Variants in DNAAF11 observed in about 807,000 individuals in gnomAD.
DNAAF11 encodes leucine rich repeat containing 6.
DNAAF11 carries 45 observed loss-of-function variants against 60.8 expected under a neutral mutation model. That is an observed-to-expected ratio of 0.74 (90% confidence interval 0.58 to 0.95). The LOEUF (loss-of-function observed/expected upper bound fraction) is 0.95. Among genes scored for constraint, DNAAF11 ranks in the 40% least tolerant of loss-of-function variants. DNAAF11 has a pLI of 0.00. For synonymous variants in DNAAF11, 191 were observed against 183.5 expected (o/e 1.04, Z -0.33); for missense variants, 546 against 546.2 (o/e 1.00, Z 0.00).
At chr8:132,682,640 C>T in the DNAAF11 span, among the ~76,000 whole-genome samples, 2 of 152,192 alleles carry the variant, frequency 1.3e-5, no homozygotes, top group African/African-American at 4.8e-5. Flanking sequence ...CATTACTCTT[C>T]CAGTAGAAGG....
intron 7 of DNAAF11, among the ~76,000 whole-genome samples, chr8:132,616,498 C>A (rs1004887535): frequency 6.6e-6 from 1 of 151,940 alleles, no homozygotes; most frequent in African/African-American, 2.4e-5. Context: ...GTTCATAGGA[C>A]GCACTGATAA....
Position 132,572,413 on chromosome 8 carries a change from C to T in DNAAF11, c.1294G>A (p.Val432Ile), listed in dbSNP as rs770349365. 2.5e-6 allele frequency: 4 copies of T among 1,613,586 alleles called. No homozygotes were observed. The African/African-American group carries it at 4.0e-5, about 16-fold the overall frequency. ...CTGGGTGTGTGTTTTTTCTCTTGAA[C>T]TATGTTAGTCACATCAGGGAATGAG... ...KHSFPDVTNIVQEKKHTPRRR... is the reference protein window; with the variant it reads ...KHSFPDVTNIIQEKKHTPRRR... The change falls in exon 12 of 12, where the codon GTT (valine) becomes ATT (isoleucine). Residue 432 changes from valine (V) to isoleucine (I), a missense_variant. Val to Ile is a conservative substitution (Grantham distance 29). Transcript: ENST00000620350.
At chr8:132,602,272 A>G (rs1027124609) in intron 10 of DNAAF11, among the ~76,000 whole-genome samples, 3 of 152,132 alleles carry the variant, frequency 2.0e-5, no homozygotes, top group Non-Finnish European at 4.4e-5. Flanking sequence ...CATAATCAGC[A>G]TCAACATCAA....
In DNAAF11 at chr8:132,638,024, G is replaced by T; in HGVS notation, c.340C>A (p.His114Asn). The T allele has an allele frequency of 6.2e-7, 1 of 1,614,026 alleles. No homozygotes were observed. Among genetic ancestry groups the T allele is most frequent in the South Asian group, 1.1e-5 (1 of 91,064 alleles). The stretch of plus-strand genomic sequence containing the variant: ...CCCATGAGAAAGAGCTCCTTCAGAT[G>T]GATATTGTGCTGCAAGTTTTTAATG... The part of the protein sequence containing the change: ...SSIKNLQHNI[H>N]LKELFLMGNP... Residue 114 changes from histidine to asparagine, a missense_variant, in exon 4 of 12, where the codon CAT (histidine) becomes AAT (asparagine). Physicochemically the swap from His to Asn is moderately conservative, Grantham distance 68. Transcript: ENST00000620350.
At chr8:132,680,884 A>G in the DNAAF11 span, among the ~76,000 whole-genome samples, 1 of 151,060 alleles carries the variant, frequency 6.6e-6, no homozygotes, top group African/African-American at 2.4e-5. Context: ...TTAGAAGAGT[A>G]TTTGACATGT....
chr8:132,601,463 C>T (rs972443499), intron 10 of DNAAF11, among the ~76,000 whole-genome samples: 23 of 152,312 alleles, frequency 1.5e-4, no homozygotes, highest in African/African-American at 5.3e-4. Context: ...GCTACAAAGA[C>T]ACATGCACAC....
At chr8:132,634,952 T>C (rs1307015758) in intron 4 of DNAAF11, among the ~76,000 whole-genome samples, 1 of 152,044 alleles carries the variant, frequency 6.6e-6, no homozygotes, top group Non-Finnish European at 1.5e-5. Flanking sequence ...GATTGATTGA[T>C]TGATTGATTT....
At chr8:132,629,488 C>T (rs1820599380) in intron 5 of DNAAF11, among the ~76,000 whole-genome samples, 1 of 152,054 alleles carries the variant, frequency 6.6e-6, no homozygotes, top group African/African-American at 2.4e-5. Flanking sequence ...GCTGGGACTA[C>T]AGGCGCCTGC....
At chr8:132,675,840 G>A (rs1563730049), upstream of DNAAF11, among the ~76,000 whole-genome samples, 1 of 152,170 alleles carries the variant, frequency 6.6e-6, no homozygotes, top group Non-Finnish European at 1.5e-5. Context: ...TGCCTTCCAG[G>A]CTTGCCTTCC....
chr8:132,597,704 C>T (rs1817167658), intron 10 of DNAAF11, among the ~76,000 whole-genome samples: 1 of 152,170 alleles, frequency 6.6e-6, no homozygotes, highest in Non-Finnish European at 1.5e-5. Context: ...CAATTATCTG[C>T]AAATAATGTG....
At chr8:132,573,017 G>A (rs1364350442) in intron 11 of DNAAF11, among the ~76,000 whole-genome samples, 1 of 152,038 alleles carries the variant, frequency 6.6e-6, no homozygotes, top group Non-Finnish European at 1.5e-5. Context: ...CACTCACTCA[G>A]TTTTCTCAGC....
At chr8:132,578,619 C>A in intron 11 of DNAAF11, 2 of 662,652 alleles carry the variant, frequency 3.0e-6, no homozygotes, top group Non-Finnish European at 5.0e-6. Flanking sequence ...AGATTCATTC[C>A]TTTTATCAAA....
At chr8:132,654,835 A>T (rs922592674) in intron 3 of DNAAF11, among the ~76,000 whole-genome samples, 7 of 152,022 alleles carry the variant, frequency 4.6e-5, no homozygotes, top group African/African-American at 1.4e-4. Context: ...ACAACGACTC[A>T]TATCAATAAC....
chr8:132,603,619 T>A (rs753097499), intron 10 of DNAAF11, among the ~76,000 whole-genome samples: 1 of 151,830 alleles, frequency 6.6e-6, no homozygotes, highest in Non-Finnish European at 1.5e-5. Context: ...GGGGAGGACA[T>A]AATGCCTAAT....
At chr8:132,588,080 G>T (rs1816087893) in intron 10 of DNAAF11, among the ~76,000 whole-genome samples, 1 of 152,160 alleles carries the variant, frequency 6.6e-6, no homozygotes, top group East Asian at 1.9e-4. Flanking sequence ...AAGCTACTTA[G>T]CTCTGAATCC....
chr8:132,649,459 A>G (rs1822768212), intron 3 of DNAAF11, among the ~76,000 whole-genome samples: 1 of 152,242 alleles, frequency 6.6e-6, no homozygotes, highest in Non-Finnish European at 1.5e-5. Context: ...AGGCATGGGC[A>G]AGGGCTTTAT....
chr8:132,600,659 A>T (rs1817514547), intron 10 of DNAAF11, among the ~76,000 whole-genome samples: 1 of 152,220 alleles, frequency 6.6e-6, no homozygotes, highest in Non-Finnish European at 1.5e-5. Flanking sequence ...ACCTGACAAA[A>T]ACAAGAAATG....
At chr8:132,702,241 G>A in the DNAAF11 span, 27,796 of 152,070 alleles carry the variant, frequency 0.18, 3,302 homozygotes, top group East Asian at 0.31. Flanking sequence ...ATGAAATTAG[G>A]TCTGTTTTAT....
At chr8:132,583,877 T>A (rs1291722593) in intron 10 of DNAAF11, 98 bp from the exon 11 acceptor site, 2 of 816,314 alleles carry the variant, frequency 2.5e-6, no homozygotes, top group South Asian at 1.5e-5. Flanking sequence ...TAAAACATTT[T>A]AATTTTTTCT....
Sources: allele counts gnomAD v4.1 joint callset (sites outside exome capture counted in the v4.1 genomes callset), GRCh38; gene constraint gnomAD v4.1.1; transcripts MANE v1.5; gene names NCBI Gene and HGNC (gene_info 2026-07-23, HGNC 2026-07-21).